PDE3A: variants seen among roughly 807,000 people sequenced by gnomAD.
PDE3A encodes cGMP-inhibited 3',5'-cyclic phosphodiesterase 3A.
PDE3A carries 43 observed loss-of-function variants against 98.3 expected under a neutral mutation model. The observed-to-expected ratio is 0.44, with a 90% CI of 0.34 to 0.56. PDE3A has a LOEUF of 0.56. PDE3A is among the 20% of genes least tolerant of loss of function. PDE3A has a pLI of 0.01. For missense variants in PDE3A, 1,427 were observed against 1,440.7 expected, an observed-to-expected ratio of 0.99 and a Z score of 0.15; for synonymous variants, 663 against 567.9, an observed-to-expected ratio of 1.17 and a Z score of -2.38.
At chr12:20,403,352 C>G (rs1179171393) in intron 1 of PDE3A, among the ~76,000 whole-genome samples, 3 of 152,142 alleles carry the variant, frequency 2.0e-5, no homozygotes, top group Non-Finnish European at 4.4e-5. Flanking sequence ...TAGCAGGTAT[C>G]TTTGTTTCTG....
intron 1 of PDE3A, among the ~76,000 whole-genome samples, chr12:20,376,753 T>C (rs2120520611): frequency 6.6e-6 from 1 of 152,026 alleles, no homozygotes; most frequent in East Asian, 1.9e-4. Context: ...TTTTCACCTG[T>C]TATTTTGCAG....
chr12:20,570,859 A>T (rs1196887152), intron 2 of PDE3A, among the ~76,000 whole-genome samples: 1 of 152,094 alleles, frequency 6.6e-6, no homozygotes, highest in Non-Finnish European at 1.5e-5. Context: ...TACAGACTAG[A>T]ATTGTCAGCT....
At chr12:20,455,765 T>C (rs147793069) in intron 1 of PDE3A, among the ~76,000 whole-genome samples, 2 of 152,314 alleles carry the variant, frequency 1.3e-5, no homozygotes, top group African/African-American at 4.8e-5. Context: ...TGTAGCATGA[T>C]GTTTTTGAGT....
Position 20,646,791 on chromosome 12 carries a change from A to G in PDE3A, c.2406A>G (p.Val802=). 6.2e-7 allele frequency: 1 copy of G among 1,610,730 alleles called. No homozygotes were observed. Among genetic ancestry groups the G allele is most frequent in the Non-Finnish European group, 8.5e-7 (1 of 1,176,920 alleles). The change falls in exon 12 of 16, where the codon GTA becomes GTG. Residue 802 remains valine (V), a synonymous_variant. Transcript: ENST00000359062. ...TTACACATGGACATATGGGATATGT[A>G]TTCTCAAAAACGTATAATGTGACAG... is the stretch of plus-strand genomic sequence containing the variant. ...SGFTHGHMGY[V]FSKTYNVTDD...
intron 1 of PDE3A, among the ~76,000 whole-genome samples, chr12:20,430,499 A>C (rs1479326620): frequency 6.6e-6 from 1 of 152,176 alleles, no homozygotes; most frequent in East Asian, 1.9e-4. Context: ...TGTCTAAAAC[A>C]AAATTGCCTC....
intron 10 of PDE3A, among the ~76,000 whole-genome samples, chr12:20,644,225 T>C (rs1944718964): frequency 6.6e-6 from 1 of 152,294 alleles, no homozygotes; most frequent in Non-Finnish European, 1.5e-5. Context: ...GCAGAAGATA[T>C]TTTATTTTAT....
chr12:20,608,443 A>C (rs139298153), intron 2 of PDE3A, among the ~76,000 whole-genome samples: 1 of 152,048 alleles, frequency 6.6e-6, no homozygotes, highest in African/African-American at 2.4e-5. Flanking sequence ...AATAAGGATA[A>C]TTTGTCTCTC....
chr12:20,373,185 TC>T (rs1359259705), intron 1 of PDE3A, among the ~76,000 whole-genome samples: 1 of 152,076 alleles, frequency 6.6e-6, no homozygotes, highest in Non-Finnish European at 1.5e-5. Flanking sequence ...TTTAGTTTAG[TC>T]CTGACAACCC....
intron 1 of PDE3A, among the ~76,000 whole-genome samples, chr12:20,410,437 T>G (rs555095179): frequency 2.0e-5 from 3 of 152,150 alleles, no homozygotes; most frequent in Non-Finnish European, 4.4e-5. Flanking sequence ...TTTCTGCTAG[T>G]GTGGGGAGAG....
chr12:20,402,179 T>A (rs1394073453), intron 1 of PDE3A, among the ~76,000 whole-genome samples: 1 of 152,052 alleles, frequency 6.6e-6, no homozygotes. Flanking sequence ...ATTCTTTTTT[T>A]GAGAGAGAGT....
chr12:20,594,594 T>C (rs1174028826), intron 2 of PDE3A, among the ~76,000 whole-genome samples: 1 of 151,808 alleles, frequency 6.6e-6, no homozygotes, highest in East Asian at 1.9e-4. Context: ...AAAATGAGTA[T>C]GAAATGACGC....
chr12:20,631,056 CTCA>C (rs1375458679), intron 6 of PDE3A, among the ~76,000 whole-genome samples: 2 of 151,954 alleles, frequency 1.3e-5, no homozygotes. Context: ...ATATTTTTTA[CTCA>C]TAAGTTCTGT....
intron 1 of PDE3A, among the ~76,000 whole-genome samples, chr12:20,553,930 G>C (rs1942289309): frequency 6.6e-6 from 1 of 151,822 alleles, no homozygotes; most frequent in South Asian, 2.1e-4. Context: ...GAGCCTTATA[G>C]ATCATTTACA....
At chr12:20,606,824 C>T (rs957702552) in intron 2 of PDE3A, among the ~76,000 whole-genome samples, 4 of 146,236 alleles carry the variant, frequency 2.7e-5, no homozygotes, top group African/African-American at 1.0e-4. Context: ...CGCCATTGCA[C>T]TCCAGCCTGG....
At chr12:20,400,956 A>G (rs560409988) in intron 1 of PDE3A, among the ~76,000 whole-genome samples, 1 of 152,184 alleles carries the variant, frequency 6.6e-6, no homozygotes, top group Middle Eastern at 3.4e-3. Flanking sequence ...GGCAAAAGGG[A>G]TTAAGTAATT....
chr12:20,398,728 AC>A (rs1944066709), intron 1 of PDE3A, among the ~76,000 whole-genome samples: 1 of 152,234 alleles, frequency 6.6e-6, no homozygotes, highest in South Asian at 2.1e-4. Flanking sequence ...TTAAACCAAA[AC>A]TTTTGTTTAC....
chr12:20,465,816 A>C (rs1457980566), intron 1 of PDE3A, among the ~76,000 whole-genome samples: 6 of 152,242 alleles, frequency 3.9e-5, no homozygotes, highest in Non-Finnish European at 5.9e-5. Context: ...AAGGTAGGAC[A>C]AACAGTTCCT....
At chr12:20,500,707 C>T (rs1946007017) in intron 1 of PDE3A, among the ~76,000 whole-genome samples, 2 of 151,238 alleles carry the variant, frequency 1.3e-5, no homozygotes, top group African/African-American at 4.9e-5. Flanking sequence ...TATCTTGCTG[C>T]AGGACTTCTC....
chr12:20,559,390 T>TAA (rs949456935), intron 2 of PDE3A, among the ~76,000 whole-genome samples: 1 of 151,792 alleles, frequency 6.6e-6, no homozygotes, highest in African/African-American at 2.4e-5. Flanking sequence ...ACTATATATA[T>TAA]ATATTGGGAG....
Sources: gnomAD v4.1 joint callset for allele counts (sites outside exome capture counted in the v4.1 genomes callset) on GRCh38, gnomAD v4.1.1 for gene constraint, MANE v1.5 for transcripts, NCBI Gene and HGNC (gene_info 2026-07-23, HGNC 2026-07-21) for gene names.